SPP2: variants seen among roughly 807,000 people sequenced by gnomAD.
SPP2 encodes the protein secreted phosphoprotein 24.
In SPP2, 34 loss-of-function variants were observed where a neutral mutation model predicts 28.8. That is an observed-to-expected ratio of 1.18 (90% CI 0.90 to 1.57). The LOEUF (loss-of-function observed/expected upper bound fraction) is 1.57, where lower values mean the gene tolerates loss of function less well. Among genes scored for constraint, SPP2 ranks in the 40% most tolerant of loss-of-function variants. SPP2 has a pLI of 0.00. For missense variants in SPP2, 269 were observed against 263.9 expected (o/e 1.02, Z -0.13); for synonymous variants, 96 against 89.4 (o/e 1.07, Z -0.42).
At chr2:234,056,152 T>G (rs1693603017) in intron 2 of SPP2, 1 of 152,012 alleles carries the variant, frequency 6.6e-6, no homozygotes, top group Admixed American at 6.6e-5. Context: ...GGGAGAAAAT[T>G]TTTGCAATCT....
chr2:234,069,032 G>A (rs1301741746), intron 6 of SPP2, among the ~76,000 whole-genome samples: 1 of 152,120 alleles, frequency 6.6e-6, no homozygotes, highest in African/African-American at 2.4e-5. Flanking sequence ...GGTTGAAGGA[G>A]CCACTTCCAA....
intron 4 of SPP2, among the ~76,000 whole-genome samples, chr2:234,062,352 G>A (rs76257357): frequency 0.03 from 4,504 of 152,236 alleles, 217 homozygotes; most frequent in African/African-American, 0.1. Flanking sequence ...TTCAAGCATA[G>A]GGGAAATCAG....
At chr2:234,067,318 T>C in intron 6 of SPP2, 44 bp downstream of exon 6, 1 of 1,577,482 alleles carries the variant, frequency 6.3e-7, no homozygotes. Flanking sequence ...CCTTTTCTGA[T>C]CAATCTGGAC....
At chr2:234,067,885 G>A (rs1200592989) in intron 6 of SPP2, among the ~76,000 whole-genome samples, 1 of 149,396 alleles carries the variant, frequency 6.7e-6, no homozygotes, top group African/African-American at 2.5e-5. Flanking sequence ...ACTCTCTGGA[G>A]CATTTAAAAA....
At chr2:234,062,045 T>C (rs2125459261) in intron 4 of SPP2, among the ~76,000 whole-genome samples, 1 of 152,302 alleles carries the variant, frequency 6.6e-6, no homozygotes, top group Admixed American at 6.5e-5. Context: ...AGGACCAAGC[T>C]TATCACTTCA....
intron 6 of SPP2, among the ~76,000 whole-genome samples, chr2:234,067,928 T>A (rs1693860240): frequency 6.6e-6 from 1 of 152,148 alleles, no homozygotes; most frequent in African/African-American, 2.4e-5. Context: ...CTTGTTTTTT[T>A]AAACTAAAAA....
chr2:234,060,433 G>A lies in SPP2; in HGVS notation c.398G>A (p.Arg133His), dbSNP rs376262894. 127 of 1,613,270 alleles carry A rather than the reference G, an allele frequency of 7.9e-5. 1 individual carries two copies. The East Asian group carries it at 2.2e-3, about 27-fold the overall frequency. Residue 133 changes from arginine to histidine, a missense_variant, in exon 4 of 8, where the codon CGC (arginine) becomes CAC (histidine). By Grantham distance (29) the Arg-to-His change is conservative. Transcript: ENST00000168148. ...CAGCAGGTGCAGGGCGTGCATGCTC[G>A]CTGCAGCTGGTCCTCCTCCACGTCT... ...SAQQVQGVHA[R>H]CSWSSSTSES...
chr2:234,067,584 T>C lies in SPP2; in HGVS notation c.550+310T>C, dbSNP rs935665034. ...CGAAGTCAGGAGATCGAGACCATCC[T>C]GGCTAACATGGTGAAACCCCGTCTC... On this transcript the variant is annotated intron_variant, in intron 6 of 7. Coordinates refer to ENST00000168148, the MANE Select transcript of SPP2 (RefSeq NM_006944.3). 7.2e-5 allele frequency among the ~76,000 whole-genome samples: 11 copies of C among 152,110 alleles called. No homozygotes were observed. The East Asian group carries it at 1.9e-3, about 27-fold the overall frequency.
At chr2:234,066,081 C>A (rs1001816114) in intron 4 of SPP2, among the ~76,000 whole-genome samples, 4 of 152,156 alleles carry the variant, frequency 2.6e-5, no homozygotes, top group Admixed American at 2.0e-4. Context: ...AGAAAGACTG[C>A]GAGCCAAGCA....
At chr2:234,066,394 T>C (rs1051961689) in intron 4 of SPP2, 139 bp from the exon 5 acceptor site, 2 of 695,170 alleles carry the variant, frequency 2.9e-6, no homozygotes, top group African/African-American at 3.6e-5. Flanking sequence ...AGTTATTTAA[T>C]ATAACGTATT....
At chr2:234,067,169 G>C in intron 5 of SPP2, 55 bp from the exon 6 acceptor site, 3 of 1,505,032 alleles carry the variant, frequency 2.0e-6, no homozygotes, top group Non-Finnish European at 2.8e-6. Flanking sequence ...TAAAGTCATA[G>C]AACATTCTGG....
intron 2 of SPP2, among the ~76,000 whole-genome samples, chr2:234,054,112 A>G (rs1693557830): frequency 6.6e-6 from 1 of 152,210 alleles, no homozygotes. Flanking sequence ...GACTCACTCC[A>G]GTGACAAGAA....
chr2:234,062,079 T>G (rs994124740), intron 4 of SPP2, among the ~76,000 whole-genome samples: 2 of 152,206 alleles, frequency 1.3e-5, no homozygotes, highest in Admixed American at 6.5e-5. Flanking sequence ...AATCTTGATT[T>G]GTGGTTCATA....
chr2:234,060,761 A>T (rs539604755), intron 4 of SPP2, among the ~76,000 whole-genome samples: 35 of 144,620 alleles, frequency 2.4e-4, no homozygotes, highest in African/African-American at 8.1e-4. Flanking sequence ...ACACACACAC[A>T]TGCACACACG....
chr2:234,066,245 A>G (rs1400159349), intron 4 of SPP2, among the ~76,000 whole-genome samples: 1 of 152,202 alleles, frequency 6.6e-6, no homozygotes, highest in African/African-American at 2.4e-5. Flanking sequence ...TCTGTGTAAC[A>G]GGGTTTTGCT....
intron 7 of SPP2, among the ~76,000 whole-genome samples, chr2:234,074,853 A>G (rs1690864314): frequency 6.6e-6 from 1 of 152,210 alleles, no homozygotes; most frequent in African/African-American, 2.4e-5. Context: ...CAACAGCTCT[A>G]TAACTCATGC....
intron 2 of SPP2, among the ~76,000 whole-genome samples, chr2:234,056,877 C>T (rs1046919660): frequency 1.3e-5 from 2 of 151,902 alleles, no homozygotes; most frequent in African/African-American, 4.8e-5. Flanking sequence ...ATAAAGATCC[C>T]CGTCCTCAGC....
At chr2:234,051,216 C>G (rs1399796038) in intron 2 of SPP2, 121 bp downstream of exon 2, 2 of 1,283,262 alleles carry the variant, frequency 1.6e-6, no homozygotes, top group East Asian at 2.4e-5. Flanking sequence ...CTAGTCATCT[C>G]TTTCATACTG....
At chr2:234,069,778 G>A (rs1266399914) in intron 6 of SPP2, 150 bp from the exon 7 acceptor site, 1 of 595,724 alleles carries the variant, frequency 1.7e-6, no homozygotes, top group Middle Eastern at 4.1e-4. Context: ...TAAGGAAGAT[G>A]AAGTTATCGC....
Sources: gnomAD v4.1 joint callset for allele counts (sites outside exome capture counted in the v4.1 genomes callset) on GRCh38, gnomAD v4.1.1 for gene constraint, MANE v1.5 for transcripts, NCBI Gene and HGNC (gene_info 2026-07-23, HGNC 2026-07-21) for gene names.